TBC1D15: variants seen among roughly 807,000 people sequenced by gnomAD.
The protein encoded by TBC1D15 is GAP for RAB7.
In TBC1D15, 39 loss-of-function variants were observed where a neutral mutation model predicts 95.4. That is an observed-to-expected ratio of 0.41 (90% CI 0.32 to 0.53). The LOEUF is 0.53. Among genes scored for constraint, TBC1D15 ranks in the 20% least tolerant of loss-of-function variants. TBC1D15 has a pLI of 0.29. For missense variants in TBC1D15, 733 were observed against 794.3 expected (o/e 0.92, Z 0.93); for synonymous variants, 258 against 261.3 (o/e 0.99, Z 0.12).
At chr12:71,842,236 A>G (rs1049220519) in intron 1 of TBC1D15, among the ~76,000 whole-genome samples, 1 of 152,216 alleles carries the variant, frequency 6.6e-6, no homozygotes, top group Non-Finnish European at 1.5e-5. Flanking sequence ...GTAGGGAAGC[A>G]GCAAAAGGTA....
At chr12:71,919,571 A>C (rs545490437) in intron 14 of TBC1D15, among the ~76,000 whole-genome samples, 2 of 152,214 alleles carry the variant, frequency 1.3e-5, no homozygotes, top group South Asian at 4.1e-4. Flanking sequence ...TTACAAGTTA[A>C]AAGTGGATTA....
intron 10 of TBC1D15, among the ~76,000 whole-genome samples, chr12:71,900,541 T>C (rs1310857372): frequency 6.6e-6 from 1 of 152,070 alleles, no homozygotes; most frequent in Non-Finnish European, 1.5e-5. Flanking sequence ...GAAAACCAAA[T>C]TGATTATTTC....
intron 12 of TBC1D15, among the ~76,000 whole-genome samples, chr12:71,917,483 G>A (rs1240019149): frequency 1.3e-5 from 2 of 152,024 alleles, no homozygotes; most frequent in South Asian, 2.1e-4. Flanking sequence ...ATGAATAGAG[G>A]AAAAAATAAT....
intron 7 of TBC1D15, 124 bp downstream of exon 7, chr12:71,895,007 C>A: frequency 1.2e-6 from 1 of 840,452 alleles, no homozygotes; most frequent in Non-Finnish European, 1.8e-6. Flanking sequence ...CAACTTTTTG[C>A]TAGTATATCT....
At chr12:71,895,483 C>T (rs147094350) in intron 7 of TBC1D15, among the ~76,000 whole-genome samples, 124 of 151,854 alleles carry the variant, frequency 8.2e-4, no homozygotes, top group Middle Eastern at 6.8e-3. Flanking sequence ...TAGAAAATGC[C>T]GAGTGAAGCT....
chr12:71,881,159 T>C (rs1014163782), intron 4 of TBC1D15, among the ~76,000 whole-genome samples: 1 of 152,200 alleles, frequency 6.6e-6, no homozygotes, highest in Non-Finnish European at 1.5e-5. Context: ...GCTGAAAATT[T>C]CCTGTCACGT....
chr12:71,852,938 C>A (rs11608905), intron 1 of TBC1D15, among the ~76,000 whole-genome samples: 13,990 of 152,228 alleles, frequency 0.092, 713 homozygotes, highest in South Asian at 0.15. Flanking sequence ...CTGTTACCCA[C>A]TTCCAAAGCT....
At chr12:71,877,495 TTTTCCTTC>T (rs1303020402) in intron 3 of TBC1D15, among the ~76,000 whole-genome samples, 1 of 121,452 alleles carries the variant, frequency 8.2e-6, no homozygotes, top group Admixed American at 8.0e-5. Context: ...TCTTTCCTGT[TTTTCCTTC>T]CTTCCTTCCT....
At chr12:71,872,244 T>G (rs944706298) in intron 2 of TBC1D15, 76 bp downstream of exon 2, 3 of 800,770 alleles carry the variant, frequency 3.7e-6, no homozygotes, top group Admixed American at 5.9e-5. Flanking sequence ...ATCAGAAAGT[T>G]TGAATTTCAT....
At chr12:71,886,531 A>G (rs1896269094) in intron 5 of TBC1D15, among the ~76,000 whole-genome samples, 1 of 152,222 alleles carries the variant, frequency 6.6e-6, no homozygotes, top group South Asian at 2.1e-4. Context: ...CCAAATTTAG[A>G]TTACATAAGG....
intron 10 of TBC1D15, among the ~76,000 whole-genome samples, chr12:71,904,112 G>A (rs1165871046): frequency 6.6e-6 from 1 of 152,206 alleles, no homozygotes; most frequent in Non-Finnish European, 1.5e-5. Context: ...GGAAAAATTA[G>A]AAGACAGCAG....
chr12:71,867,877 G>C (rs973142870), intron 1 of TBC1D15, among the ~76,000 whole-genome samples: 1 of 152,178 alleles, frequency 6.6e-6, no homozygotes, highest in African/African-American at 2.4e-5. Flanking sequence ...TTGGATTAAG[G>C]ATGCTCAACC....
chr12:71,878,098 T>C (rs897566195), intron 3 of TBC1D15, among the ~76,000 whole-genome samples: 1 of 152,212 alleles, frequency 6.6e-6, no homozygotes, highest in Non-Finnish European at 1.5e-5. Flanking sequence ...ATCTGCAGAT[T>C]CCTGCCTGGA....
intron 14 of TBC1D15, among the ~76,000 whole-genome samples, chr12:71,919,646 G>A (rs1184656066): frequency 6.6e-6 from 1 of 152,094 alleles, no homozygotes; most frequent in Non-Finnish European, 1.5e-5. Context: ...ATCTGGAATC[G>A]TACTTAAATG....
chr12:71,901,922 C>G (rs1333450242), intron 10 of TBC1D15, among the ~76,000 whole-genome samples: 2 of 151,988 alleles, frequency 1.3e-5, no homozygotes, highest in Non-Finnish European at 2.9e-5. Context: ...GTGCAAAAAT[C>G]AGTAGCATTG....
Position 71,878,904 on chromosome 12 carries a change from A to AT in TBC1D15, c.205-1562dup, listed in dbSNP as rs781675714. 6.6e-5 allele frequency among the ~76,000 whole-genome samples: 10 copies of AT among 151,816 alleles called. No individual in the cohort carries two copies. In the East Asian group the frequency reaches 1.7e-3, roughly 26 times the overall value. On this transcript the variant is annotated intron_variant, in intron 3 of 16. Coordinates refer to ENST00000485960, the MANE Select transcript of TBC1D15 (RefSeq NM_001146213.3). Reference sequence around the variant, plus strand: ...GGAAGAAAAAACAATCTATTTGATAATTTCATTTGTTCAGTTTCCCTACTG... The same window carrying AT: ...GGAAGAAAAAACAATCTATTTGATAATTTTCATTTGTTCAGTTTCCCTACTG...
chr12:71,912,832 A>G (rs1902731258), intron 11 of TBC1D15, among the ~76,000 whole-genome samples: 1 of 152,130 alleles, frequency 6.6e-6, no homozygotes, highest in African/African-American at 2.4e-5. Context: ...AAGTTACCGA[A>G]GTTGAATGAT....
intron 11 of TBC1D15, 185 bp downstream of exon 11, chr12:71,907,323 A>T: frequency 2.5e-6 from 1 of 400,148 alleles, no homozygotes; most frequent in Non-Finnish European, 4.5e-6. Flanking sequence ...TGCTGCAGCA[A>T]ACTAACAGGA....
chr12:71,867,129 T>A (rs1171459680), intron 1 of TBC1D15, among the ~76,000 whole-genome samples: 6 of 152,232 alleles, frequency 3.9e-5, no homozygotes, highest in Non-Finnish European at 7.3e-5. Context: ...GAGTAAGGGT[T>A]TTTGTTTAAA....
Sources: gnomAD v4.1 joint callset for allele counts (sites outside exome capture counted in the v4.1 genomes callset) on GRCh38, gnomAD v4.1.1 for gene constraint, MANE v1.5 for transcripts, NCBI Gene and HGNC (gene_info 2026-07-23, HGNC 2026-07-21) for gene names.